ZSWIM6: variants seen among roughly 807,000 people sequenced by gnomAD.
ZSWIM6 encodes the protein zinc finger SWIM-type containing 6, also known as zinc finger SWIM domain-containing protein 6.
A neutral mutation model predicts 113.2 loss-of-function variants in ZSWIM6; 9 were observed. That is an observed-to-expected ratio of 0.08 (90% CI 0.05 to 0.14). ZSWIM6 has a LOEUF of 0.14. Ranked by LOEUF, ZSWIM6 falls within the 10% of genes least tolerant of loss-of-function variation. The pLI, the probability that ZSWIM6 is intolerant of heterozygous loss-of-function variation, is 1.00. For missense variants in ZSWIM6, 1,162 were observed against 1,552.2 expected (o/e 0.75, Z 4.22); for synonymous variants, 611 against 606.5 (o/e 1.01, Z -0.11).
At chr5:61,421,093 A>AT (rs111562753) in intron 1 of ZSWIM6, among the ~76,000 whole-genome samples, 2 of 151,590 alleles carry the variant, frequency 1.3e-5, no homozygotes, top group Non-Finnish European at 2.9e-5. Flanking sequence ...TTATTTATTT[A>AT]TTTTTTATTA....
intron 1 of ZSWIM6, among the ~76,000 whole-genome samples, chr5:61,457,478 A>G (rs1580006039): frequency 1.3e-5 from 2 of 152,082 alleles, no homozygotes; most frequent in East Asian, 3.9e-4. Context: ...CTTTGTAAAC[A>G]TAACAATTGT....
At chr5:61,523,094 C>T (rs761337834) in intron 5 of ZSWIM6, among the ~76,000 whole-genome samples, 19 of 152,294 alleles carry the variant, frequency 1.2e-4, no homozygotes, top group Non-Finnish European at 2.6e-4. Flanking sequence ...CACCAGGGTA[C>T]CTACTTTTAG....
chr5:61,507,826 A>C (rs959946215), intron 4 of ZSWIM6, among the ~76,000 whole-genome samples: 1 of 152,190 alleles, frequency 6.6e-6, no homozygotes, highest in Non-Finnish European at 1.5e-5. Context: ...TATTTACATT[A>C]TATGCTGAAA....
intron 1 of ZSWIM6, among the ~76,000 whole-genome samples, chr5:61,368,363 AT>A (rs1404260964): frequency 6.6e-6 from 1 of 152,350 alleles, no homozygotes; most frequent in African/African-American, 2.4e-5. Flanking sequence ...ATTTAAAAGT[AT>A]TCATATTAAT....
chr5:61,383,119 A>G (rs1745519274), intron 1 of ZSWIM6, among the ~76,000 whole-genome samples: 2 of 152,258 alleles, frequency 1.3e-5, no homozygotes. Context: ...TTCAGTGATC[A>G]TCTTACTTGA....
Position 61,438,169 on chromosome 5 carries a change from T to G in ZSWIM6, c.677-34512T>G, listed in dbSNP as rs374505322. On this transcript the variant is annotated intron_variant, in intron 1 of 13. Transcript: ENST00000252744. ...GTAGCTCATTCAGTAACAAATATTG[T>G]CAGAGTTTACAGAAAAAAATTACAT... is the stretch of plus-strand genomic sequence containing the variant. Among the ~76,000 whole-genome samples, 8 of 152,270 alleles carry G rather than the reference T, an allele frequency of 5.3e-5. No individual in the cohort carries two copies. In the East Asian group the frequency reaches 7.7e-4, roughly 15 times the overall value.
chr5:61,393,239 G>T (rs1441429758), intron 1 of ZSWIM6, among the ~76,000 whole-genome samples: 2 of 151,308 alleles, frequency 1.3e-5, no homozygotes, highest in Non-Finnish European at 2.9e-5. Flanking sequence ...GTAGAGACGG[G>T]GTTTCACCAC....
intron 4 of ZSWIM6, among the ~76,000 whole-genome samples, chr5:61,519,783 G>C (rs1749063364): frequency 6.6e-6 from 1 of 152,052 alleles, no homozygotes; most frequent in Non-Finnish European, 1.5e-5. Flanking sequence ...TTGGCACCAG[G>C]GACTGGTTTC....
rs1024931285 is a variant in ZSWIM6, at chr5:61,543,169, C to T, written c.2786-286C>T. ...TGAAGTAGAACTCATTAGCAAAAAGCCATTGTCTGAAATGGCAAGCAGCAC... is the reference window on the plus strand; with the variant it reads ...TGAAGTAGAACTCATTAGCAAAAAGTCATTGTCTGAAATGGCAAGCAGCAC... On this transcript the variant is annotated intron_variant, in intron 13 of 13. Coordinates refer to ENST00000252744, the MANE Select transcript of ZSWIM6 (RefSeq NM_020928.2). This position sits in a 1 kb window ranked among gnomAD's most constrained non-coding sequence, Gnocchi z 4.3. Among the ~76,000 whole-genome samples the T allele has an allele frequency of 2.0e-5, 3 of 152,164 alleles. No homozygotes were observed. The highest frequency in any genetic ancestry group is 7.2e-5 in the African/African-American group (3 of 41,444).
At chr5:61,504,124 A>G (rs961820238) in intron 4 of ZSWIM6, among the ~76,000 whole-genome samples, 1 of 152,174 alleles carries the variant, frequency 6.6e-6, no homozygotes, top group Non-Finnish European at 1.5e-5. Flanking sequence ...GTTATTTTTG[A>G]TGTACTGAAA....
intron 1 of ZSWIM6, among the ~76,000 whole-genome samples, chr5:61,366,438 TAAGCA>T (rs1745154054): frequency 6.6e-6 from 1 of 152,192 alleles, no homozygotes; most frequent in Non-Finnish European, 1.5e-5. Flanking sequence ...AGAAGGTGAA[TAAGCA>T]ACTCAAACTC....
At position 61,414,947 on chromosome 5, in the gene ZSWIM6, T is replaced by C. The variant is rs907349923; in HGVS notation, c.677-57734T>C. ...TGTGCTATTTTATCTAAACCCTAATTGTCAGAAGAAAGCTGTGAAATAGAT... is the reference window on the plus strand; with the variant it reads ...TGTGCTATTTTATCTAAACCCTAATCGTCAGAAGAAAGCTGTGAAATAGAT... On this transcript the variant is annotated intron_variant, in intron 1 of 13. Transcript: ENST00000252744. Among the ~76,000 whole-genome samples the C allele has an allele frequency of 2.0e-5, 3 of 152,216 alleles. No individual in the cohort carries two copies. In the East Asian group the frequency reaches 5.8e-4, roughly 29 times the overall value.
Position 61,472,764 on chromosome 5 carries a change from C to T in ZSWIM6, c.760C>T (p.Arg254Cys). Reference sequence around the variant, plus strand: ...TTGCAACGTGGCCATCAGCTTTGATCGTTGCAAGATTACCTCAGTGACCTG... The same window carrying T: ...TTGCAACGTGGCCATCAGCTTTGATTGTTGCAAGATTACCTCAGTGACCTG... ...TVCNVAISFD[R>C]CKITSVTCSC... Residue 254 changes from arginine to cysteine, a missense_variant, in exon 2 of 14, where the codon CGT becomes TGT. Around this residue, in one of 4 missense-constraint regions of ZSWIM6, gnomAD observed 96 missense variants for 240.3 expected, o/e 0.40. Transcript: ENST00000252744. This position sits in a 1 kb window ranked among gnomAD's most constrained non-coding sequence, Gnocchi z 4.1. The T allele has an allele frequency of 6.4e-7, 1 of 1,551,528 alleles. No individual in the cohort carries two copies. Among genetic ancestry groups the T allele is most frequent in the Non-Finnish European group, 8.7e-7 (1 of 1,146,906 alleles).
chr5:61,494,353 T>G lies in ZSWIM6; in HGVS notation c.1276T>G (p.Trp426Gly), dbSNP rs767463992. ...QFMADPRLSL[W>G]RQQGTAMTDK... ...CATGGCTGACCCTCGCCTGTCACTT[T>G]GGCGGCAACAAGGCACTGCAATGAC... is the stretch of plus-strand genomic sequence containing the variant. The change falls in exon 4 of 14, where the codon TGG becomes GGG. Residue 426 changes from tryptophan (W) to glycine (G), a missense_variant. This residue lies in a region of ZSWIM6 where 620 missense variants were observed against 804.6 expected (regional missense o/e 0.77). Coordinates refer to ENST00000252744, the MANE Select transcript of ZSWIM6 (RefSeq NM_020928.2). 2 of 1,551,172 alleles carry G rather than the reference T, an allele frequency of 1.3e-6. No individual in the cohort carries two copies. The highest frequency in any genetic ancestry group is 1.4e-5 in the African/African-American group (1 of 73,140).
chr5:61,397,633 AATT>A (rs1745869119), intron 1 of ZSWIM6, among the ~76,000 whole-genome samples: 1 of 152,242 alleles, frequency 6.6e-6, no homozygotes, highest in South Asian at 2.1e-4. Flanking sequence ...ACACATTGAA[AATT>A]ATAATCAAAC....
rs570726666 is a variant in ZSWIM6 at position 61,445,162 on chromosome 5, C to T, written c.677-27519C>T. On this transcript the variant is annotated intron_variant, in intron 1 of 13. Coordinates refer to ENST00000252744, the MANE Select transcript of ZSWIM6 (RefSeq NM_020928.2). ...CTAGTGACAGAATTGTGACCAAAAGCGTCAAAAATGTGATAGGTCCTGTGC... is the reference window on the plus strand; with the variant it reads ...CTAGTGACAGAATTGTGACCAAAAGTGTCAAAAATGTGATAGGTCCTGTGC... Among the ~76,000 whole-genome samples the T allele has an allele frequency of 3.9e-5, 6 of 152,108 alleles. No homozygotes were observed. The South Asian group carries it at 1.0e-3, about 26-fold the overall frequency.
At chr5:61,382,816 A>AAAAG (rs57053318) in intron 1 of ZSWIM6, among the ~76,000 whole-genome samples, 2,285 of 150,230 alleles carry the variant, frequency 0.015, 31 homozygotes, top group African/African-American at 0.045. Context: ...AAATAAAAAA[A>AAAAG]AAAGAAAGAA....
Position 61,544,533 on chromosome 5 carries a change from T to C in ZSWIM6, c.*216T>C. On this transcript the variant is annotated 3_prime_UTR_variant, in exon 14 of 14. Coordinates refer to ENST00000252744, the MANE Select transcript of ZSWIM6 (RefSeq NM_020928.2). ...TCTTTCTTTCCTTTATTTTATTATT[T>C]TTTTTAATTTTTTTTTTCTGGTTTT... is the stretch of plus-strand genomic sequence containing the variant. 1 of 241,982 alleles carries C rather than the reference T, an allele frequency of 4.1e-6. No homozygotes were observed. The allele number at this position is 241,982 out of a possible 1,614,324, so 15.0% of individuals were successfully genotyped here. A position where few individuals can be genotyped will look rare whatever the true frequency, so the allele number is the denominator to read the frequency against.
chr5:61,517,573 G>C (rs1217927649), intron 4 of ZSWIM6, among the ~76,000 whole-genome samples: 1 of 151,868 alleles, frequency 6.6e-6, no homozygotes, highest in Non-Finnish European at 1.5e-5. Flanking sequence ...AGTTGGTATA[G>C]AGCTTCTGAG....
Sources: allele counts gnomAD v4.1 joint callset (sites outside exome capture counted in the v4.1 genomes callset), GRCh38; gene constraint gnomAD v4.1.1; regional missense constraint gnomAD v4.1.1; non-coding constraint Gnocchi (gnomAD v3.1); transcripts MANE v1.5; gene names NCBI Gene and HGNC (gene_info 2026-07-23, HGNC 2026-07-21).